Variants in FARS2 observed in about 807,000 individuals in gnomAD.
FARS2 encodes phenylalanine--tRNA ligase, mitochondrial.
A neutral mutation model predicts 46.4 loss-of-function variants in FARS2; 40 were observed. The ratio of observed to expected loss-of-function variants is 0.86; its 90% CI spans 0.67 to 1.12. FARS2 has a LOEUF of 1.12. Ranked by LOEUF, FARS2 falls within the 50% of genes most tolerant of loss-of-function variation. FARS2 has a pLI of 0.00. For missense variants in FARS2, 513 were observed against 567.9 expected, an observed-to-expected ratio of 0.90 and a Z score of 0.98; for synonymous variants, 234 against 214.9, an observed-to-expected ratio of 1.09 and a Z score of -0.78.
intron 6 of FARS2, among the ~76,000 whole-genome samples, chr6:5,732,250 A>G (rs1225457258): frequency 6.6e-6 from 1 of 152,232 alleles, no homozygotes; most frequent in Non-Finnish European, 1.5e-5. Context: ...AGCAGGAAAC[A>G]GGAGTATCAT....
At position 5,629,565 on chromosome 6, in the gene FARS2, A is replaced by G. The variant is rs534838712; in HGVS notation, c.1217+16245A>G. The stretch of plus-strand genomic sequence containing the variant: ...AACGAGGCTGAGGAGATGAGGGGCT[A>G]GATCCTAAAGCCTGTATTCCCTTAT... On this transcript the variant is annotated intron_variant, in intron 6 of 6. Transcript: ENST00000274680. Among the ~76,000 whole-genome samples, 5 of 152,346 alleles carry G rather than the reference A, an allele frequency of 3.3e-5. No individual in the cohort carries two copies. In the South Asian group the frequency reaches 6.2e-4, roughly 19 times the overall value.
At chr6:5,355,452 G>T (rs1485179689) in intron 1 of FARS2, among the ~76,000 whole-genome samples, 4 of 150,820 alleles carry the variant, frequency 2.7e-5, no homozygotes, top group African/African-American at 9.8e-5. Context: ...TGCCTGCTGG[G>T]TTCAAGCAGT....
chr6:5,319,874 A>G (rs957568995), intron 1 of FARS2, among the ~76,000 whole-genome samples: 9 of 152,178 alleles, frequency 5.9e-5, no homozygotes, highest in Non-Finnish European at 1.2e-4. Context: ...ACTGCTTCTA[A>G]CAACCTATAC....
chr6:5,264,100 A>G lies in FARS2; in HGVS notation c.-22+2440A>G, dbSNP rs577595251. ...CCTCTACACAAAAAATACAAAAATT[A>G]ACTGGGTGTGGTGGCATGTGCCTGT... On this transcript the variant is annotated intron_variant, in intron 1 of 6. Coordinates refer to ENST00000274680, the MANE Select transcript of FARS2 (RefSeq NM_006567.5). Among the ~76,000 whole-genome samples the G allele has an allele frequency of 1.1e-4, 17 of 152,194 alleles. No individual in the cohort carries two copies. In the East Asian group the frequency reaches 2.3e-3, roughly 21 times the overall value.
chr6:5,525,320 G>A (rs527521580), intron 4 of FARS2, among the ~76,000 whole-genome samples: 1 of 152,160 alleles, frequency 6.6e-6, no homozygotes, highest in South Asian at 2.1e-4. Flanking sequence ...CCTGCTGTGG[G>A]AAATCAGTAG....
intron 1 of FARS2, among the ~76,000 whole-genome samples, chr6:5,283,497 TG>T (rs1449201835): frequency 2.7e-5 from 4 of 147,138 alleles, no homozygotes; most frequent in Non-Finnish European, 5.9e-5. Context: ...TGCAGTAAGC[TG>T]AGATTGCGCC....
At chr6:5,597,956 G>A (rs79100090) in intron 5 of FARS2, among the ~76,000 whole-genome samples, 2,189 of 151,984 alleles carry the variant, frequency 0.014, 52 homozygotes, top group African/African-American at 0.05. Flanking sequence ...TAATAATACA[G>A]TAGCTACCCA....
At chr6:5,441,500 G>T (rs1172186806) in intron 4 of FARS2, among the ~76,000 whole-genome samples, 1 of 152,162 alleles carries the variant, frequency 6.6e-6, no homozygotes, top group Non-Finnish European at 1.5e-5. Context: ...TTTAACAAAT[G>T]AAATCACAGT....
At chr6:5,632,125 A>G (rs1044982036) in intron 6 of FARS2, among the ~76,000 whole-genome samples, 2 of 152,202 alleles carry the variant, frequency 1.3e-5, no homozygotes, top group African/African-American at 4.8e-5. Context: ...CCTATGCCCC[A>G]ATAAAAATTC....
At chr6:5,548,611 A>C (rs556369373) in intron 5 of FARS2, among the ~76,000 whole-genome samples, 2 of 152,188 alleles carry the variant, frequency 1.3e-5, no homozygotes, top group Non-Finnish European at 2.9e-5. Context: ...ATCGTGTAGA[A>C]TGGTGTGCTC....
At chr6:5,752,546 C>T (rs1407674658) in intron 6 of FARS2, among the ~76,000 whole-genome samples, 3 of 152,178 alleles carry the variant, frequency 2.0e-5, no homozygotes, top group East Asian at 3.9e-4. Flanking sequence ...GTCTCCCAGC[C>T]CCTGATTCAC....
intron 5 of FARS2, among the ~76,000 whole-genome samples, chr6:5,578,933 T>C (rs1773166569): frequency 1.3e-5 from 2 of 152,232 alleles, no homozygotes; most frequent in Admixed American, 6.5e-5. Flanking sequence ...TCTGGCCTGT[T>C]TTCTCATTTG....
At chr6:5,753,166 A>T (rs1404589434) in intron 6 of FARS2, among the ~76,000 whole-genome samples, 1 of 130,128 alleles carries the variant, frequency 7.7e-6, no homozygotes, top group Non-Finnish European at 1.6e-5. Context: ...GTGAGGGAGG[A>T]GAGAGAGAGC....
intron 4 of FARS2, among the ~76,000 whole-genome samples, chr6:5,446,940 T>C (rs1764218177): frequency 6.6e-6 from 1 of 152,080 alleles, no homozygotes; most frequent in Non-Finnish European, 1.5e-5. Context: ...GACTGACGCA[T>C]GGATGTCTGG....
chr6:5,655,315 GA>G (rs1777558097), intron 6 of FARS2, among the ~76,000 whole-genome samples: 1 of 152,082 alleles, frequency 6.6e-6, no homozygotes, highest in African/African-American at 2.4e-5. Flanking sequence ...TAGCATGATT[GA>G]TTTTTTTTTC....
intron 5 of FARS2, among the ~76,000 whole-genome samples, chr6:5,589,938 C>T (rs1368900119): frequency 2.6e-5 from 4 of 152,130 alleles, no homozygotes. Flanking sequence ...AAGCAGAGAG[C>T]GTTTCCATCC....
At chr6:5,598,287 G>A (rs1464602079) in intron 5 of FARS2, among the ~76,000 whole-genome samples, 1 of 152,154 alleles carries the variant, frequency 6.6e-6, no homozygotes, top group Non-Finnish European at 1.5e-5. Flanking sequence ...GGAGGCTGAG[G>A]CTGTAGGATC....
At chr6:5,290,393 G>A (rs530982544) in intron 1 of FARS2, among the ~76,000 whole-genome samples, 54 of 152,290 alleles carry the variant, frequency 3.5e-4, no homozygotes, top group African/African-American at 1.2e-3. Flanking sequence ...CTCTGAGATT[G>A]CAAACTCCAT....
chr6:5,661,345 A>C (rs1210272682), intron 6 of FARS2, among the ~76,000 whole-genome samples: 2 of 152,244 alleles, frequency 1.3e-5, no homozygotes, highest in African/African-American at 4.8e-5. Context: ...TACAGGAAAC[A>C]CAGAGACTGG....
Sources: gnomAD v4.1 joint callset for allele counts (sites outside exome capture counted in the v4.1 genomes callset) on GRCh38, gnomAD v4.1.1 for gene constraint, MANE v1.5 for transcripts, NCBI Gene and HGNC (gene_info 2026-07-23, HGNC 2026-07-21) for gene names.